The following RALB variants were observed in gnomAD, a reference collection of about 807,000 sequenced individuals.
RALB encodes ras-related protein Ral-B.
RALB carries 16 observed loss-of-function variants against 21.3 expected under a neutral mutation model. That is an observed-to-expected ratio of 0.75 (90% CI 0.51 to 1.14). The LOEUF is 1.14. Ranked by LOEUF, RALB falls within the 50% of genes most tolerant of loss-of-function variation. The probability of loss-of-function intolerance (pLI) is 0.00; values close to 1 mark genes in which losing one functional copy is unlikely to be tolerated. For synonymous variants in RALB, 93 were observed against 96.1 expected (o/e 0.97, Z 0.19); for missense variants, 161 against 256.2 (o/e 0.63, Z 2.54).
intron 2 of RALB, among the ~76,000 whole-genome samples, chr2:120,283,333 G>A (rs1039947570): frequency 3.3e-5 from 5 of 152,278 alleles, no homozygotes; most frequent in South Asian, 2.1e-4. Context: ...TATTTTATGC[G>A]TGGCCCAAGA....
At chr2:120,272,469 A>G (rs528332276) in intron 1 of RALB, among the ~76,000 whole-genome samples, 2 of 152,332 alleles carry the variant, frequency 1.3e-5, no homozygotes, top group South Asian at 2.1e-4. Context: ...CGACAGATGA[A>G]TGGATTTGTG....
chr2:120,263,700 T>G (rs1241984931), intron 1 of RALB, among the ~76,000 whole-genome samples: 1 of 151,294 alleles, frequency 6.6e-6, no homozygotes, highest in Non-Finnish European at 1.5e-5. Flanking sequence ...AGCTAATTTT[T>G]TGTATTTTTG....
chr2:120,245,968 G>A (rs1008611324), intron 1 of RALB, among the ~76,000 whole-genome samples: 1 of 152,178 alleles, frequency 6.6e-6, no homozygotes, highest in African/African-American at 2.4e-5. Context: ...CATTTTAATG[G>A]TTTGGTGGTC....
intron 2 of RALB, among the ~76,000 whole-genome samples, chr2:120,279,886 T>TG (rs1689942492): frequency 6.6e-6 from 1 of 152,228 alleles, no homozygotes; most frequent in Admixed American, 6.5e-5. Context: ...GGAGTGGCCA[T>TG]GGGCATTTTC....
chr2:120,269,340 A>G (rs1296973562), intron 1 of RALB, among the ~76,000 whole-genome samples: 1 of 152,196 alleles, frequency 6.6e-6, no homozygotes, highest in Non-Finnish European at 1.5e-5. Context: ...GCACAGGCTG[A>G]AAGAGTGAAC....
chr2:120,252,368 A>T (rs1170225592), upstream of RALB, among the ~76,000 whole-genome samples: 2 of 152,190 alleles, frequency 1.3e-5, no homozygotes, highest in South Asian at 2.1e-4. Context: ...CGGCAGGTGG[A>T]GTCCCGCCCC....
At chr2:120,253,294 CG>C (rs1308798950) in intron 1 of RALB, 2 of 714,652 alleles carry the variant, frequency 2.8e-6, no homozygotes, top group East Asian at 2.7e-4. Context: ...CTTCCTGCCG[CG>C]GGCCTCCCGC....
At chr2:120,241,620 G>T (rs1688896176) in intron 1 of RALB, among the ~76,000 whole-genome samples, 1 of 152,160 alleles carries the variant, frequency 6.6e-6, no homozygotes, top group Admixed American at 6.5e-5. Flanking sequence ...CAGCTACTTG[G>T]CAGGCTGAGG....
intron 2 of RALB, among the ~76,000 whole-genome samples, chr2:120,279,503 T>C (rs1689930855): frequency 1.3e-5 from 2 of 152,224 alleles, no homozygotes; most frequent in Non-Finnish European, 2.9e-5. Flanking sequence ...AAACATGCAA[T>C]GTAACAACTG....
At chr2:120,292,518 T>G (rs944087125) in intron 4 of RALB, among the ~76,000 whole-genome samples, 1 of 152,222 alleles carries the variant, frequency 6.6e-6, no homozygotes, top group African/African-American at 2.4e-5. Flanking sequence ...CATTCTTCCC[T>G]TCCCTGGTGG....
At chr2:120,282,947 A>G (rs1690031211) in intron 2 of RALB, among the ~76,000 whole-genome samples, 1 of 152,164 alleles carries the variant, frequency 6.6e-6, no homozygotes, top group Non-Finnish European at 1.5e-5. Flanking sequence ...CTAGAATCAT[A>G]ATTTTTTAGC....
chr2:120,279,208 G>C (rs930611210), intron 2 of RALB, among the ~76,000 whole-genome samples: 1 of 152,148 alleles, frequency 6.6e-6, no homozygotes, highest in African/African-American at 2.4e-5. Flanking sequence ...ATCAGATCCA[G>C]TTCTCCCGTG....
upstream of RALB, among the ~76,000 whole-genome samples, chr2:120,250,855 G>A (rs1424886916): frequency 6.6e-6 from 1 of 152,110 alleles, no homozygotes; most frequent in Admixed American, 6.5e-5. Context: ...CCGCCAAAAG[G>A]GTCCTGCCAC....
chr2:120,267,660 C>T (rs1029412954), intron 1 of RALB, among the ~76,000 whole-genome samples: 5 of 152,164 alleles, frequency 3.3e-5, no homozygotes, highest in Admixed American at 6.5e-5. Context: ...CTTCCAGAAG[C>T]GGCAGCTGCT....
chr2:120,257,324 T>C (rs1013674693), intron 1 of RALB, among the ~76,000 whole-genome samples: 1 of 152,216 alleles, frequency 6.6e-6, no homozygotes, highest in Non-Finnish European at 1.5e-5. Context: ...TAGCAGTTCT[T>C]CAGTTCACTT....
In RALB at chr2:120,293,286, C is replaced by A; in HGVS notation, c.*26C>A. Reference sequence around the variant, plus strand: ...GTGTCAAGGTGACGGATGAAGCCAGCTGCTCCTAAGGACACAGGGCTGGGT... The same window carrying A: ...GTGTCAAGGTGACGGATGAAGCCAGATGCTCCTAAGGACACAGGGCTGGGT... On this transcript the variant is annotated 3_prime_UTR_variant, in exon 5 of 5. Transcript: ENST00000272519. The A allele has an allele frequency of 6.3e-7, 1 of 1,599,308 alleles. No homozygotes were observed. Among genetic ancestry groups the A allele is most frequent in the Non-Finnish European group, 8.5e-7 (1 of 1,172,406 alleles).
chr2:120,278,763 G>C lies in RALB; in HGVS notation c.99G>C (p.Gln33His). The C allele has an allele frequency of 6.4e-7, 1 of 1,571,374 alleles. No individual in the cohort carries two copies. Among genetic ancestry groups the C allele is most frequent in the South Asian group, 1.2e-5 (1 of 85,034 alleles). Residue 33 changes from glutamine (Q) to histidine (H), a missense_variant, in exon 2 of 5, where the codon CAG becomes CAC. Gln to His is a conservative substitution (Grantham distance 24). Transcript: ENST00000272519. ...TTGGCAAGTCAGCCCTGACGCTTCAGTTCATGTATGACGAGGTAAGCCCTG... is the reference window on the plus strand; with the variant it reads ...TTGGCAAGTCAGCCCTGACGCTTCACTTCATGTATGACGAGGTAAGCCCTG... The part of the protein sequence containing the change: ...GGVGKSALTL[Q>H]FMYDEFVEDY...
At chr2:120,256,000 A>G (rs1689191464) in intron 1 of RALB, among the ~76,000 whole-genome samples, 1 of 152,144 alleles carries the variant, frequency 6.6e-6, no homozygotes, top group South Asian at 2.1e-4. Flanking sequence ...AAGTTTGCCT[A>G]CCTTTTGAAT....
chr2:120,281,498 T>C (rs1249584536), intron 2 of RALB, among the ~76,000 whole-genome samples: 1 of 152,224 alleles, frequency 6.6e-6, no homozygotes, highest in Non-Finnish European at 1.5e-5. Context: ...ATTACGTGTG[T>C]AATTTTGTAT....
Sources: gnomAD v4.1 joint callset for allele counts (sites outside exome capture counted in the v4.1 genomes callset) on GRCh38, gnomAD v4.1.1 for gene constraint, MANE v1.5 for transcripts, NCBI Gene and HGNC (gene_info 2026-07-23, HGNC 2026-07-21) for gene names.